The following CCSER1 variants were observed in gnomAD, a reference collection of about 807,000 sequenced individuals.
CCSER1 encodes the protein coiled-coil serine rich protein 1.
In CCSER1, 41 loss-of-function variants were observed where a neutral mutation model predicts 82.0. The ratio of observed to expected loss-of-function variants is 0.50; its 90% CI spans 0.39 to 0.65. The LOEUF is 0.65. Ranked by LOEUF, CCSER1 falls within the 30% of genes least tolerant of loss-of-function variation. The pLI, the probability that CCSER1 is intolerant of heterozygous loss-of-function variation, is 0.00. For missense variants in CCSER1, 1,119 were observed against 1,064.2 expected (o/e 1.05, Z -0.72); for synonymous variants, 414 against 383.9 (o/e 1.08, Z -0.92).
intron 10 of CCSER1, among the ~76,000 whole-genome samples, chr4:91,575,483 A>C (rs2110296395): frequency 6.6e-6 from 1 of 152,208 alleles, no homozygotes; most frequent in South Asian, 2.1e-4. Flanking sequence ...GGGAGTTCAT[A>C]CCCAAAATGC....
chr4:90,445,337 G>A (rs1760500533), intron 4 of CCSER1, among the ~76,000 whole-genome samples: 1 of 151,968 alleles, frequency 6.6e-6, no homozygotes, highest in South Asian at 2.1e-4. Context: ...ACTTTCTCTG[G>A]GAAGAGATCA....
chr4:91,125,082 TTAAAAC>T (rs1436930762), intron 10 of CCSER1, among the ~76,000 whole-genome samples: 1 of 151,734 alleles, frequency 6.6e-6, no homozygotes, highest in South Asian at 2.1e-4. Context: ...CTTTTATACT[TTAAAAC>T]TATTACATGG....
chr4:91,457,546 T>A (rs1384448277), intron 10 of CCSER1, among the ~76,000 whole-genome samples: 1 of 152,238 alleles, frequency 6.6e-6, no homozygotes, highest in Non-Finnish European at 1.5e-5. Flanking sequence ...GGCGCATGCC[T>A]TTAGTCTCAG....
chr4:90,862,412 A>G (rs1177207424), intron 8 of CCSER1, among the ~76,000 whole-genome samples: 3 of 151,946 alleles, frequency 2.0e-5, no homozygotes. Context: ...TTTTCCAAAT[A>G]AATCATTATT....
intron 10 of CCSER1, among the ~76,000 whole-genome samples, chr4:91,271,557 A>G (rs1446997347): frequency 6.6e-6 from 1 of 152,184 alleles, no homozygotes; most frequent in Non-Finnish European, 1.5e-5. Flanking sequence ...TACTTCACTT[A>G]GAATAGCAGT....
chr4:90,513,883 G>C (rs1168847080), intron 5 of CCSER1, among the ~76,000 whole-genome samples: 1 of 152,162 alleles, frequency 6.6e-6, no homozygotes, highest in Non-Finnish European at 1.5e-5. Flanking sequence ...GCTGTGGGTG[G>C]ATTACAGAGG....
At chr4:90,638,880 C>T (rs1314946865) in intron 6 of CCSER1, among the ~76,000 whole-genome samples, 3 of 152,064 alleles carry the variant, frequency 2.0e-5, no homozygotes, top group African/African-American at 7.2e-5. Context: ...TGTTTTGAAT[C>T]GTAGAGATCT....
At chr4:90,187,608 G>T (rs961478092) in intron 1 of CCSER1, among the ~76,000 whole-genome samples, 1 of 151,774 alleles carries the variant, frequency 6.6e-6, no homozygotes, top group Non-Finnish European at 1.5e-5. Flanking sequence ...TAAGACATTT[G>T]TAAGAAATCT....
intron 1 of CCSER1, among the ~76,000 whole-genome samples, chr4:90,268,550 CA>C (rs1384462193): frequency 6.6e-6 from 1 of 151,478 alleles, no homozygotes; most frequent in African/African-American, 2.4e-5. Flanking sequence ...AACAGATACA[CA>C]AAAAATAAAA....
intron 9 of CCSER1, among the ~76,000 whole-genome samples, chr4:90,940,398 A>T (rs571479015): frequency 6.6e-6 from 1 of 151,676 alleles, no homozygotes; most frequent in Non-Finnish European, 1.5e-5. Context: ...ACATGTTTAC[A>T]TATCAATAAT....
At chr4:90,787,963 A>T (rs1754734981) in intron 7 of CCSER1, among the ~76,000 whole-genome samples, 1 of 152,220 alleles carries the variant, frequency 6.6e-6, no homozygotes, top group Non-Finnish European at 1.5e-5. Flanking sequence ...CTACTGCTAC[A>T]TACACTGACT....
chr4:90,353,227 TG>T (rs1381296845), intron 3 of CCSER1, among the ~76,000 whole-genome samples: 1 of 152,064 alleles, frequency 6.6e-6, no homozygotes, highest in Non-Finnish European at 1.5e-5. Flanking sequence ...GGAAAGAACC[TG>T]GGATTTGAAG....
chr4:90,603,468 G>A (rs1784272681), intron 5 of CCSER1, among the ~76,000 whole-genome samples: 1 of 152,102 alleles, frequency 6.6e-6, no homozygotes, highest in African/African-American at 2.4e-5. Flanking sequence ...GATATTTATT[G>A]GCACAATCTA....
intron 10 of CCSER1, among the ~76,000 whole-genome samples, chr4:91,311,656 T>A (rs569132924): frequency 6.6e-6 from 1 of 151,960 alleles, no homozygotes. Flanking sequence ...AAAAATATAA[T>A]CTATAAATCA....
intron 6 of CCSER1, among the ~76,000 whole-genome samples, chr4:90,631,040 C>G (rs1187957037): frequency 6.6e-6 from 1 of 151,864 alleles, no homozygotes; most frequent in Non-Finnish European, 1.5e-5. Flanking sequence ...ACAACAGGCA[C>G]CTGCCACCAT....
At chr4:91,342,329 T>A (rs901037151) in intron 10 of CCSER1, among the ~76,000 whole-genome samples, 3 of 152,202 alleles carry the variant, frequency 2.0e-5, no homozygotes, top group African/African-American at 7.2e-5. Flanking sequence ...CATTACTTTA[T>A]ATCTTTAATA....
intron 7 of CCSER1, among the ~76,000 whole-genome samples, chr4:90,800,195 C>CA (rs1310903138): frequency 2.6e-5 from 4 of 152,268 alleles, no homozygotes; most frequent in African/African-American, 9.6e-5. Flanking sequence ...CACAAAAAGC[C>CA]AGTAAGCATG....
rs962634116 is a variant in CCSER1, at chr4:90,860,151, A to G, written c.2094+44306A>G. ...ATACATAAAAAATTTGTATAATTCA[A>G]CAATAAAAAGAAAAATAACCTAGTT... is the stretch of plus-strand genomic sequence containing the variant. On this transcript the variant is annotated intron_variant, in intron 8 of 10. Transcript: ENST00000509176. Among the ~76,000 whole-genome samples the G allele has an allele frequency of 2.0e-5, 3 of 151,840 alleles. No homozygotes were observed. In the East Asian group the frequency reaches 5.8e-4, roughly 29 times the overall value.
At chr4:91,190,276 G>T (rs1257428679) in intron 10 of CCSER1, among the ~76,000 whole-genome samples, 1 of 152,232 alleles carries the variant, frequency 6.6e-6, no homozygotes, top group African/African-American at 2.4e-5. Context: ...CAATTATTAG[G>T]TTTCTTTTTT....
Sources: gnomAD v4.1 joint callset for allele counts (sites outside exome capture counted in the v4.1 genomes callset) on GRCh38, gnomAD v4.1.1 for gene constraint, MANE v1.5 for transcripts, NCBI Gene and HGNC (gene_info 2026-07-23, HGNC 2026-07-21) for gene names.